MSRA: variants seen among roughly 807,000 people sequenced by gnomAD.
The protein encoded by MSRA is methionine sulfoxide reductase A, also known as mitochondrial peptide methionine sulfoxide reductase.
Under a neutral mutation model 31.3 loss-of-function variants are expected in MSRA, and 54 were observed. The ratio of observed to expected loss-of-function variants is 1.73; its 90% CI spans 1.39 to 2.17. The LOEUF (loss-of-function observed/expected upper bound fraction) is 2.17. Ranked by LOEUF, MSRA falls within the 30% of genes most tolerant of loss-of-function variation. The probability of loss-of-function intolerance (pLI) is 0.00; values close to 1 mark genes in which losing one functional copy is unlikely to be tolerated. For missense variants in MSRA, 507 were observed against 300.9 expected (o/e 1.69, Z -5.07); for synonymous variants, 169 against 116.5 (o/e 1.45, Z -2.90).
At chr8:10,334,038 A>C (rs1045434861) in intron 5 of MSRA, among the ~76,000 whole-genome samples, 1 of 152,268 alleles carries the variant, frequency 6.6e-6, no homozygotes, top group Non-Finnish European at 1.5e-5. Context: ...GTGTGGTCTG[A>C]TAACAGCAGC....
At chr8:10,360,277 C>G (rs1178187032) in intron 5 of MSRA, among the ~76,000 whole-genome samples, 1 of 152,166 alleles carries the variant, frequency 6.6e-6, no homozygotes, top group Non-Finnish European at 1.5e-5. Flanking sequence ...TGCCCTATTG[C>G]TTCCCTCTGT....
At chr8:10,319,790 A>C in intron 4 of MSRA, 93 bp from the exon 5 acceptor site, 1 of 623,980 alleles carries the variant, frequency 1.6e-6, no homozygotes, top group Non-Finnish European at 2.5e-6. Context: ...GGACCATATG[A>C]AAAGTGTCAA....
At chr8:10,418,815 T>TAAAAAAAAAAAAAAAAAAAAAAAAAA (rs71203323) in intron 5 of MSRA, among the ~76,000 whole-genome samples, 1 of 66,042 alleles carries the variant, frequency 1.5e-5, no homozygotes, top group African/African-American at 6.5e-5. Flanking sequence ...TTACTACGAC[T>TAAAAAAAAAAAAAAAAAAAAAAAAAA]AAAAAAAAAA....
intron 5 of MSRA, among the ~76,000 whole-genome samples, chr8:10,371,500 T>C (rs936218155): frequency 6.6e-6 from 1 of 152,150 alleles, no homozygotes; most frequent in Non-Finnish European, 1.5e-5. Flanking sequence ...GTTCTCAGGT[T>C]TTTGCCTGCA....
chr8:10,396,631 T>C (rs901385783), intron 5 of MSRA, among the ~76,000 whole-genome samples: 1 of 152,228 alleles, frequency 6.6e-6, no homozygotes, highest in Non-Finnish European at 1.5e-5. Flanking sequence ...ATCAGAACTT[T>C]CTGGAAGGAT....
intron 1 of MSRA, among the ~76,000 whole-genome samples, chr8:10,108,719 G>A (rs566855855): frequency 6.6e-6 from 1 of 152,150 alleles, no homozygotes; most frequent in African/African-American, 2.4e-5. Flanking sequence ...ATGGATCTTT[G>A]CAGGTCTCTA....
chr8:10,401,899 G>A (rs781645303), intron 5 of MSRA, among the ~76,000 whole-genome samples: 5 of 152,192 alleles, frequency 3.3e-5, no homozygotes, highest in Non-Finnish European at 4.4e-5. Flanking sequence ...CCCAGGGGCT[G>A]AGGAAAGGGG....
intron 1 of MSRA, among the ~76,000 whole-genome samples, chr8:10,203,598 T>A (rs1808689383): frequency 6.6e-6 from 1 of 152,236 alleles, no homozygotes; most frequent in Non-Finnish European, 1.5e-5. Flanking sequence ...ACTGCACTGC[T>A]AGTCATATAA....
At chr8:10,120,791 A>G (rs1185772868) in intron 1 of MSRA, among the ~76,000 whole-genome samples, 1 of 152,170 alleles carries the variant, frequency 6.6e-6, no homozygotes, top group Non-Finnish European at 1.5e-5. Flanking sequence ...TTCTCTCTCC[A>G]AACGCTGTGG....
chr8:10,177,631 G>T (rs1020418399), intron 1 of MSRA, among the ~76,000 whole-genome samples: 2 of 152,184 alleles, frequency 1.3e-5, no homozygotes, highest in African/African-American at 4.8e-5. Context: ...ATGTTTTGGT[G>T]ACATGATGTA....
At chr8:10,175,612 C>T (rs1805982451) in intron 1 of MSRA, among the ~76,000 whole-genome samples, 1 of 152,192 alleles carries the variant, frequency 6.6e-6, no homozygotes, top group African/African-American at 2.4e-5. Context: ...GTCTCATTGA[C>T]ATTTATACTG....
intron 1 of MSRA, among the ~76,000 whole-genome samples, chr8:10,063,033 AAGTTC>A (rs1430066677): frequency 6.6e-6 from 1 of 152,146 alleles, no homozygotes; most frequent in East Asian, 1.9e-4. Context: ...CACCTTGTGA[AAGTTC>A]TGCCCTTCTG....
chr8:10,111,940 C>G (rs13279701), intron 1 of MSRA, among the ~76,000 whole-genome samples: 51,180 of 151,944 alleles, frequency 0.34, 9,806 homozygotes, highest in Middle Eastern at 0.47. Context: ...GAGGTCATAG[C>G]CGCTTCTTCC....
At chr8:10,289,635 T>G in intron 3 of MSRA, among the ~76,000 whole-genome samples, 1 of 152,358 alleles carries the variant, frequency 6.6e-6, no homozygotes, top group South Asian at 2.1e-4. Context: ...ATGGAGAGTT[T>G]AGAACAGTTT....
At chr8:10,241,371 G>C (rs144186227) in intron 2 of MSRA, among the ~76,000 whole-genome samples, 281 of 152,232 alleles carry the variant, frequency 1.8e-3, no homozygotes, top group African/African-American at 6.2e-3. Flanking sequence ...CCAAAGATAT[G>C]ACTGCTGAAG....
intron 2 of MSRA, among the ~76,000 whole-genome samples, chr8:10,224,564 A>G (rs201313197): frequency 6.6e-6 from 1 of 152,122 alleles, no homozygotes; most frequent in East Asian, 1.9e-4. Flanking sequence ...ACACTCTTTA[A>G]TGGGTTAGAG....
intron 3 of MSRA, among the ~76,000 whole-genome samples, chr8:10,300,081 G>A (rs1011981461): frequency 2.0e-5 from 3 of 151,904 alleles, no homozygotes; most frequent in African/African-American, 7.3e-5. Context: ...CAATATAGTG[G>A]TAAGAGAGAA....
At chr8:10,333,542 G>A (rs950306437) in intron 5 of MSRA, among the ~76,000 whole-genome samples, 2 of 152,138 alleles carry the variant, frequency 1.3e-5, no homozygotes, top group African/African-American at 4.8e-5. Flanking sequence ...ATGACCTTGG[G>A]TTGTTGACCT....
intron 3 of MSRA, among the ~76,000 whole-genome samples, chr8:10,282,390 T>A (rs192617684): frequency 8.6e-4 from 131 of 152,352 alleles, no homozygotes; most frequent in African/African-American, 3.1e-3. Context: ...TATACTGACC[T>A]CCATAATGGA....
Sources: gnomAD v4.1 joint callset for allele counts (sites outside exome capture counted in the v4.1 genomes callset) on GRCh38, gnomAD v4.1.1 for gene constraint, MANE v1.5 for transcripts, NCBI Gene and HGNC (gene_info 2026-07-23, HGNC 2026-07-21) for gene names.